Variants in FGFR1OP2 observed in about 807,000 individuals in gnomAD.
The protein encoded by FGFR1OP2 is FGFR1 oncogene partner 2, also known as fibroblast growth factor receptor 1 oncogene partner 2.
FGFR1OP2 carries 17 observed loss-of-function variants against 35.2 expected under a neutral mutation model. That is an observed-to-expected ratio of 0.48 (90% CI 0.33 to 0.73). The LOEUF is 0.73. Among genes scored for constraint, FGFR1OP2 ranks in the 30% least tolerant of loss-of-function variants. FGFR1OP2 has a pLI of 0.02. For synonymous variants in FGFR1OP2, 105 were observed against 104.6 expected (o/e 1.00, Z -0.03); for missense variants, 251 against 307.3 (o/e 0.82, Z 1.37).
At chr12:26,958,020 C>G in intron 4 of FGFR1OP2, 1 of 254,550 alleles carries the variant, frequency 3.9e-6, no homozygotes, top group South Asian at 5.5e-5. Flanking sequence ...AAAGGTAAGT[C>G]TGGTCTCTTC....
intron 1 of FGFR1OP2, among the ~76,000 whole-genome samples, chr12:26,940,652 G>C (rs840869): frequency 0.77 from 117,775 of 152,106 alleles, 46,334 homozygotes; most frequent in East Asian, 0.93. Flanking sequence ...TTTAAAGACA[G>C]ATCTGTGGTG....
intron 1 of FGFR1OP2, among the ~76,000 whole-genome samples, chr12:26,952,638 TGTTGA>T (rs1385616152): frequency 6.6e-6 from 1 of 151,978 alleles, no homozygotes; most frequent in Non-Finnish European, 1.5e-5. Flanking sequence ...TATTTTATAC[TGTTGA>T]GTTATTTAAA....
intron 1 of FGFR1OP2, among the ~76,000 whole-genome samples, chr12:26,939,732 T>C (rs1938689435): frequency 6.6e-6 from 1 of 152,226 alleles, no homozygotes; most frequent in South Asian, 2.1e-4. Context: ...TCCTGCCAAT[T>C]TGAACCTGGG....
At chr12:26,949,551 T>G (rs1382419988) in intron 1 of FGFR1OP2, among the ~76,000 whole-genome samples, 1 of 152,140 alleles carries the variant, frequency 6.6e-6, no homozygotes, top group Non-Finnish European at 1.5e-5. Flanking sequence ...TCTACTTAAA[T>G]GAAATGTTTC....
intron 1 of FGFR1OP2, among the ~76,000 whole-genome samples, chr12:26,941,963 G>C (rs1448260482): frequency 1.3e-5 from 2 of 152,218 alleles, no homozygotes; most frequent in African/African-American, 4.8e-5. Flanking sequence ...CTAGACTGGG[G>C]ATCAGAAATT....
intron 1 of FGFR1OP2, among the ~76,000 whole-genome samples, chr12:26,948,807 T>C (rs979211973): frequency 1.3e-5 from 2 of 152,212 alleles, no homozygotes; most frequent in Non-Finnish European, 2.9e-5. Flanking sequence ...ATACAGTATT[T>C]TAGTCATTGT....
chr12:26,943,993 GGTTT>G (rs898662534), intron 1 of FGFR1OP2, among the ~76,000 whole-genome samples: 1 of 151,798 alleles, frequency 6.6e-6, no homozygotes, highest in African/African-American at 2.4e-5. Context: ...GGAATCTCAG[GGTTT>G]GTTTTTTGTG....
At chr12:26,945,322 C>A (rs774441893) in intron 1 of FGFR1OP2, among the ~76,000 whole-genome samples, 4 of 152,046 alleles carry the variant, frequency 2.6e-5, no homozygotes, top group Non-Finnish European at 5.9e-5. Flanking sequence ...TGAGATCTTT[C>A]TAATTTTCTA....
intron 1 of FGFR1OP2, among the ~76,000 whole-genome samples, chr12:26,951,294 C>T (rs1012490237): frequency 2.6e-5 from 4 of 151,560 alleles, no homozygotes; most frequent in African/African-American, 9.7e-5. Flanking sequence ...ATTACAGGCA[C>T]CCCCCGACCA....
At chr12:26,946,154 C>G (rs1435404722) in intron 1 of FGFR1OP2, among the ~76,000 whole-genome samples, 1 of 152,052 alleles carries the variant, frequency 6.6e-6, no homozygotes, top group Non-Finnish European at 1.5e-5. Flanking sequence ...TATATCCCTT[C>G]AGTTGTTTGA....
intron 5 of FGFR1OP2, chr12:26,962,101 T>C (rs1939113214): frequency 6.6e-6 from 1 of 152,226 alleles, no homozygotes; most frequent in Non-Finnish European, 1.5e-5. Context: ...GCACTTGCAG[T>C]GTCACTAATG....
At chr12:26,945,914 G>A (rs986276812) in intron 1 of FGFR1OP2, among the ~76,000 whole-genome samples, 4 of 150,146 alleles carry the variant, frequency 2.7e-5, no homozygotes, top group Non-Finnish European at 5.9e-5. Context: ...TCTTAAATTT[G>A]TTAAGGTTTG....
At chr12:26,951,956 C>A (rs1938935644) in intron 1 of FGFR1OP2, among the ~76,000 whole-genome samples, 3 of 152,028 alleles carry the variant, frequency 2.0e-5, no homozygotes, top group Admixed American at 1.3e-4. Flanking sequence ...TCTCTCAAAT[C>A]TTTTACAATT....
chr12:26,957,475 A>G lies in FGFR1OP2; in HGVS notation c.254-126A>G, dbSNP rs552899009. 6.4e-4 allele frequency: 488 copies of G among 764,634 alleles called. 8 individuals are homozygous for G. In the South Asian group the frequency reaches 9.1e-3, roughly 14 times the overall value. The allele number at this position is 764,634 out of a possible 1,614,324, so 47.4% of individuals were successfully genotyped here. ...TTCATTTGGTGTCTCTTATTGTTATATGGCTAGATTTTTGTGCATTGTGTT... is the reference window on the plus strand; with the variant it reads ...TTCATTTGGTGTCTCTTATTGTTATGTGGCTAGATTTTTGTGCATTGTGTT... On this transcript the variant is annotated intron_variant, in intron 3 of 6. Transcript: ENST00000229395.
chr12:26,956,648 C>A lies in FGFR1OP2; in HGVS notation c.241C>A (p.Gln81Lys). Residue 81 changes from glutamine to lysine, a missense_variant, in exon 3 of 7, where the codon CAA becomes AAA. By Grantham distance (53) the Gln-to-Lys change is moderately conservative. Coordinates refer to ENST00000229395, the MANE Select transcript of FGFR1OP2 (RefSeq NM_015633.3). ...AAACAGACAAATCAGAGAGTTGCAACAAGAAAACAAAGGTAAGATACGTTA... is the reference window on the plus strand; with the variant it reads ...AAACAGACAAATCAGAGAGTTGCAAAAAGAAAACAAAGGTAAGATACGTTA... ...QENRQIRELQ[Q>K]ENKELRTSLE... is the part of the protein sequence containing the mutation. The A allele has an allele frequency of 6.3e-7, 1 of 1,580,182 alleles. No homozygotes were observed. Among genetic ancestry groups the A allele is most frequent in the Non-Finnish European group, 8.6e-7 (1 of 1,161,348 alleles).
chr12:26,956,660 G>A lies in FGFR1OP2; in HGVS notation c.253G>A (p.Glu85Lys). The change falls in exon 3 of 7, where the codon GAA becomes AAA. Residue 85 changes from glutamate (E) to lysine (K), a missense_variant and splice_region_variant. Coordinates refer to ENST00000229395, the MANE Select transcript of FGFR1OP2 (RefSeq NM_015633.3). Reference protein sequence around the residue: ...QIRELQQENKELRTSLEEHQS... With the variant: ...QIRELQQENKKLRTSLEEHQS... ...CAGAGAGTTGCAACAAGAAAACAAA[G>A]GTAAGATACGTTACTTTTTGACATT... The A allele has an allele frequency of 6.5e-7, 1 of 1,550,356 alleles. No homozygotes were observed. Among genetic ancestry groups the A allele is most frequent in the Non-Finnish European group, 8.8e-7 (1 of 1,138,138 alleles).
At chr12:26,963,154 C>T (rs1170948659) in intron 5 of FGFR1OP2, 188 bp from the exon 6 acceptor site, 2 of 454,280 alleles carry the variant, frequency 4.4e-6, no homozygotes, top group Non-Finnish European at 7.9e-6. Flanking sequence ...TAATTCTAGT[C>T]CTAACAAATT....
rs529488831 is a variant in FGFR1OP2, at chr12:26,957,709, G to A, written c.362G>A (p.Gly121Asp). The stretch of plus-strand genomic sequence containing the variant: ...ATGGCTAGCAAAAAAGATGATCCGG[G>A]TATAATAATGAAGTTAAAAGAGCAG... ...LLMASKKDDP[G>D]IIMKLKEQHS... Residue 121 changes from glycine to aspartate, a missense_variant, in exon 4 of 7, where the codon GGT becomes GAT. By Grantham distance (94) the Gly-to-Asp change is moderately conservative. Transcript: ENST00000229395. 6 of 1,613,466 alleles carry A rather than the reference G, an allele frequency of 3.7e-6. No homozygotes were observed. The East Asian group carries it at 1.1e-4, about 30-fold the overall frequency.
At chr12:26,955,009 G>T (rs1423512625) in intron 2 of FGFR1OP2, among the ~76,000 whole-genome samples, 1 of 152,126 alleles carries the variant, frequency 6.6e-6, no homozygotes, top group Non-Finnish European at 1.5e-5. Context: ...AGCAATTCTG[G>T]GATAGTATTT....
Sources: allele counts gnomAD v4.1 joint callset (sites outside exome capture counted in the v4.1 genomes callset), GRCh38; gene constraint gnomAD v4.1.1; transcripts MANE v1.5; gene names NCBI Gene and HGNC (gene_info 2026-07-23, HGNC 2026-07-21).